Variants in GULP1 observed in about 807,000 individuals in gnomAD.
The protein encoded by GULP1 is GULP PTB domain containing engulfment adaptor 1.
In GULP1, 19 loss-of-function variants were observed where a neutral mutation model predicts 40.9. The ratio of observed to expected loss-of-function variants is 0.46; its 90% confidence interval spans 0.32 to 0.68. The LOEUF (loss-of-function observed/expected upper bound fraction) is 0.68, where lower values mean the gene tolerates loss of function less well. GULP1 is among the 30% of genes least tolerant of loss of function. The pLI, the probability that GULP1 is intolerant of heterozygous loss-of-function variation, is 0.03. For synonymous variants in GULP1, 119 were observed against 117.6 expected (o/e 1.01, Z -0.08); for missense variants, 312 against 362.2 (o/e 0.86, Z 1.12).
chr2:188,498,525 A>G (rs1368611493), intron 4 of GULP1, among the ~76,000 whole-genome samples: 1 of 151,932 alleles, frequency 6.6e-6, no homozygotes, highest in African/African-American at 2.4e-5. Flanking sequence ...TCAGTTATAA[A>G]TAGGAAAATA....
intron 6 of GULP1, among the ~76,000 whole-genome samples, chr2:188,531,736 A>G (rs1559348916): frequency 6.6e-6 from 1 of 152,220 alleles, no homozygotes; most frequent in African/African-American, 2.4e-5. Context: ...TAAATTCATT[A>G]GGCAATTAGC....
At chr2:188,554,088 A>T (rs1204046361) in intron 7 of GULP1, among the ~76,000 whole-genome samples, 1 of 151,600 alleles carries the variant, frequency 6.6e-6, no homozygotes, top group African/African-American at 2.4e-5. Flanking sequence ...ACTTATTTCA[A>T]AGAACCAATT....
chr2:188,390,983 C>T (rs919244883), intron 2 of GULP1, among the ~76,000 whole-genome samples: 10 of 151,884 alleles, frequency 6.6e-5, no homozygotes, highest in Non-Finnish European at 1.5e-4. Flanking sequence ...TATGTGTTTA[C>T]TTTTATGCCA....
chr2:188,376,476 G>GTAA (rs2048312385), intron 1 of GULP1, among the ~76,000 whole-genome samples: 1 of 152,112 alleles, frequency 6.6e-6, no homozygotes, highest in Admixed American at 6.5e-5. Flanking sequence ...TTGGTTACCT[G>GTAA]TAAGAAGAGC....
chr2:188,570,001 G>A (rs749229744), intron 8 of GULP1, 27 bp from the exon 9 acceptor site: 2 of 853,728 alleles, frequency 2.3e-6, no homozygotes, highest in Non-Finnish European at 3.8e-6. Flanking sequence ...AAAACAGAAA[G>A]TTATTCAATA....
intron 7 of GULP1, among the ~76,000 whole-genome samples, chr2:188,563,778 A>T (rs1696951369): frequency 6.6e-6 from 1 of 151,914 alleles, no homozygotes; most frequent in Non-Finnish European, 1.5e-5. Flanking sequence ...AAATCATTTT[A>T]TGAAGACTGT....
intron 6 of GULP1, among the ~76,000 whole-genome samples, chr2:188,536,556 T>G (rs1688979133): frequency 6.6e-6 from 1 of 152,164 alleles, no homozygotes; most frequent in African/African-American, 2.4e-5. Context: ...GTACCTGTTT[T>G]TGTACCAGTA....
intron 2 of GULP1, among the ~76,000 whole-genome samples, chr2:188,397,440 T>C (rs1305401493): frequency 1.3e-5 from 2 of 152,212 alleles, no homozygotes; most frequent in Non-Finnish European, 2.9e-5. Context: ...GACGATAAGA[T>C]TCTTGAGGAC....
chr2:188,410,409 C>T (rs1352087296), intron 2 of GULP1, among the ~76,000 whole-genome samples: 2 of 152,062 alleles, frequency 1.3e-5, no homozygotes, highest in Non-Finnish European at 1.5e-5. Flanking sequence ...AAGAGACAAC[C>T]TATGGAACGG....
At chr2:188,585,182 G>A (rs1388202393) in intron 10 of GULP1, among the ~76,000 whole-genome samples, 1 of 152,162 alleles carries the variant, frequency 6.6e-6, no homozygotes, top group Non-Finnish European at 1.5e-5. Context: ...CTAATGCAAG[G>A]GATGGACCCC....
Position 188,594,970 on chromosome 2 carries a change from A to C in GULP1, c.*959A>C, listed in dbSNP as rs553857492. On this transcript the variant is annotated 3_prime_UTR_variant, in exon 12 of 12. Transcript: ENST00000409830. ...GATGCCCTCTTGGTTTTGATACTTT[A>C]AAATCTGTGGCACCCGTTCTACATG... 2.6e-5 allele frequency: 4 copies of C among 151,560 alleles called. No homozygotes were observed. Among genetic ancestry groups the C allele is most frequent in the Admixed American group, 2.6e-4 (4 of 15,178 alleles). 9.4% of individuals were successfully genotyped at this position (151,560 alleles called of 1,614,324 possible).
intron 2 of GULP1, among the ~76,000 whole-genome samples, chr2:188,475,405 T>C (rs1157349384): frequency 1.3e-5 from 2 of 151,986 alleles, no homozygotes; most frequent in Non-Finnish European, 2.9e-5. Context: ...TTTTTTTTGT[T>C]GTTATTCTTG....
At chr2:188,562,594 C>CATTTT (rs1178362073) in intron 7 of GULP1, among the ~76,000 whole-genome samples, 1 of 152,042 alleles carries the variant, frequency 6.6e-6, no homozygotes, top group African/African-American at 2.4e-5. Flanking sequence ...TATAGTTGTA[C>CATTTT]ATTTTAATAG....
chr2:188,454,697 T>C (rs879477865), intron 2 of GULP1, among the ~76,000 whole-genome samples: 8 of 152,226 alleles, frequency 5.3e-5, no homozygotes, highest in Admixed American at 4.6e-4. Context: ...AACTGAAGAC[T>C]GCTGGTACAA....
At chr2:188,562,195 T>A (rs1576116406) in intron 7 of GULP1, among the ~76,000 whole-genome samples, 1 of 152,178 alleles carries the variant, frequency 6.6e-6, no homozygotes, top group East Asian at 1.9e-4. Context: ...GCAAGCTCCC[T>A]CCTGGGAGCA....
chr2:188,299,609 T>C (rs1164836960), intron 1 of GULP1, among the ~76,000 whole-genome samples: 1 of 152,244 alleles, frequency 6.6e-6, no homozygotes, highest in Non-Finnish European at 1.5e-5. Flanking sequence ...TAAATACTTA[T>C]CAAATAACAC....
At chr2:188,501,001 A>C (rs892377164) in intron 4 of GULP1, among the ~76,000 whole-genome samples, 10 of 151,920 alleles carry the variant, frequency 6.6e-5, no homozygotes, top group Admixed American at 6.6e-4. Flanking sequence ...CTTTATGTTC[A>C]TGACAGTTCT....
chr2:188,332,604 A>G (rs1474641152), intron 1 of GULP1, among the ~76,000 whole-genome samples: 2 of 152,158 alleles, frequency 1.3e-5, no homozygotes, highest in African/African-American at 2.4e-5. Context: ...AGTGGCATAA[A>G]TAACAGATGT....
chr2:188,296,920 G>T (rs899557049), intron 1 of GULP1, among the ~76,000 whole-genome samples: 10 of 151,776 alleles, frequency 6.6e-5, no homozygotes, highest in African/African-American at 2.2e-4. Flanking sequence ...CTGTCTCTCT[G>T]TCTCTGTCGT....
Sources: gnomAD v4.1 joint callset for allele counts (sites outside exome capture counted in the v4.1 genomes callset) on GRCh38, gnomAD v4.1.1 for gene constraint, MANE v1.5 for transcripts, NCBI Gene and HGNC (gene_info 2026-07-23, HGNC 2026-07-21) for gene names.